UIMC1: variants seen among roughly 807,000 people sequenced by gnomAD.
The protein encoded by UIMC1 is ubiquitin interaction motif containing 1.
UIMC1 carries 42 observed loss-of-function variants against 84.9 expected under a neutral mutation model. The observed-to-expected ratio is 0.49, with a 90% CI of 0.39 to 0.64. The LOEUF (loss-of-function observed/expected upper bound fraction) is 0.64. UIMC1 is among the 30% of genes least tolerant of loss of function. UIMC1 has a pLI of 0.00. For synonymous variants in UIMC1, 281 were observed against 293.0 expected, an observed-to-expected ratio of 0.96 and a Z score of 0.42; for missense variants, 825 against 847.6, an observed-to-expected ratio of 0.97 and a Z score of 0.33.
At position 176,907,120 on chromosome 5, in the gene UIMC1, T is replaced by A. The variant is rs1368291974; in HGVS notation, c.1906A>T (p.Thr636Ser). The A allele has an allele frequency of 6.2e-7, 1 of 1,613,724 alleles. No individual in the cohort carries two copies. Among genetic ancestry groups the A allele is most frequent in the African/African-American group, 1.3e-5 (1 of 74,908 alleles). ...CTGGTCCTGGGGTCCTCACCTGAAG[T>A]CTTGTGCTCAGACTGTTCCAAGAAA... Reference protein sequence around the residue: ...LSFLEQSEHKTSDADIKSSET... With the variant: ...LSFLEQSEHKSSDADIKSSET... Residue 636 changes from threonine to serine, a missense_variant, in exon 13 of 15, where the codon ACT (threonine) becomes TCT (serine). By Grantham distance (58) the Thr-to-Ser change is moderately conservative (BLOSUM62 1). Coordinates refer to ENST00000511320, the MANE Select transcript of UIMC1 (RefSeq NM_001199298.2).
chr5:176,957,287 G>C (rs1386811896), intron 7 of UIMC1, among the ~76,000 whole-genome samples: 1 of 152,078 alleles, frequency 6.6e-6, no homozygotes, highest in Non-Finnish European at 1.5e-5. Flanking sequence ...TGGCAAGTGG[G>C]CTTCAACTCT....
In UIMC1 at chr5:176,968,979, G is replaced by C; in HGVS notation, c.776C>G (p.Pro259Arg). 6.2e-7 allele frequency: 1 copy of C among 1,614,188 alleles called. No homozygotes were observed. The highest frequency in any genetic ancestry group is 8.5e-7 in the Non-Finnish European group (1 of 1,180,032). Residue 259 changes from proline to arginine, a missense_variant, in exon 6 of 15, where the codon CCT becomes CGT. Transcript: ENST00000511320. The part of the protein sequence containing the change: ...GSGDTSRHCL[P>R]TLADAKGLQD... ...GAGACCTTTGGCATCTGCTAGGGTA[G>C]GTAGACAGTGCCTAGATGTGTCCCC...
Position 176,907,138 on chromosome 5 carries a change from C to A in UIMC1, c.1888G>T (p.Glu630Ter), listed in dbSNP as rs746427627. The change falls in exon 13 of 15, where the codon GAA becomes TAA. Residue 630 changes from glutamate (E) to a stop codon, truncating the protein, a stop_gained. Coordinates refer to ENST00000511320, the MANE Select transcript of UIMC1 (RefSeq NM_001199298.2). LOFTEE classifies it high-confidence loss of function. ...CCTGAAGTCTTGTGCTCAGACTGTTCCAAGAAACTAAGGAGTCGGCCTTCA... is the reference window on the plus strand; with the variant it reads ...CCTGAAGTCTTGTGCTCAGACTGTTACAAGAAACTAAGGAGTCGGCCTTCA... ...HSEGRLLSFL[E>*]QSEHKTSDAD... The A allele has an allele frequency of 1.9e-6, 3 of 1,613,718 alleles. No homozygotes were observed. The highest frequency in any genetic ancestry group is 2.5e-6 in the Non-Finnish European group (3 of 1,179,860).
intron 1 of UIMC1, among the ~76,000 whole-genome samples, chr5:177,004,062 G>A (rs1774924053): frequency 6.6e-6 from 1 of 152,144 alleles, no homozygotes; most frequent in Non-Finnish European, 1.5e-5. Context: ...GCTCCTGGGT[G>A]CAAGCAATTG....
upstream of UIMC1, among the ~76,000 whole-genome samples, chr5:177,007,302 C>T (rs1007313379): frequency 7.1e-6 from 1 of 140,014 alleles, no homozygotes; most frequent in African/African-American, 2.8e-5. Flanking sequence ...GTCACTGCCA[C>T]TGCACTCCAG....
At chr5:176,985,668 G>A (rs1261005346) in intron 1 of UIMC1, among the ~76,000 whole-genome samples, 1 of 152,050 alleles carries the variant, frequency 6.6e-6, no homozygotes, top group Non-Finnish European at 1.5e-5. Flanking sequence ...GCAGTGGCAT[G>A]ATCGTAGCTC....
At chr5:177,013,361 A>AACACACACACACACAC (rs6149367) in intron 1 of UIMC1, among the ~76,000 whole-genome samples, 26 of 137,822 alleles carry the variant, frequency 1.9e-4, no homozygotes, top group African/African-American at 5.4e-4. Flanking sequence ...ACTGCATCCA[A>AACACACACACACACAC]ACACACACAC....
At chr5:176,996,404 ACT>A (rs1332855113) in intron 1 of UIMC1, among the ~76,000 whole-genome samples, 1 of 152,172 alleles carries the variant, frequency 6.6e-6, no homozygotes, top group African/African-American at 2.4e-5. Flanking sequence ...CAAAATAGTC[ACT>A]GAGTGGTGTT....
At chr5:176,980,513 T>G (rs1311525148) in intron 2 of UIMC1, among the ~76,000 whole-genome samples, 1 of 152,172 alleles carries the variant, frequency 6.6e-6, no homozygotes, top group African/African-American at 2.4e-5. Context: ...AAGAAATTAC[T>G]GCCTTCAGAT....
Position 176,984,278 on chromosome 5 carries a change from G to A in UIMC1, c.-8-1655C>T, listed in dbSNP as rs574256623. ...CCGGCCGGCCCATCTGGGATGTGAG[G>A]AGCGCCTCTGCCGGCCGCCACCCCG... On this transcript the variant is annotated intron_variant, in intron 1 of 14. Transcript: ENST00000511320. Among the ~76,000 whole-genome samples the A allele has an allele frequency of 8.4e-4, 96 of 113,664 alleles. 1 individual carries two copies. The highest frequency in any genetic ancestry group is 2.5e-3 in the African/African-American group (82 of 33,360). 74.6% of individuals were successfully genotyped at this position (113,664 alleles called of 152,430 possible).
intron 1 of UIMC1, among the ~76,000 whole-genome samples, chr5:176,989,963 G>A (rs1467503686): frequency 6.6e-6 from 1 of 152,086 alleles, no homozygotes; most frequent in African/African-American, 2.4e-5. Context: ...GGCAGATCAT[G>A]AGGTCAGGAG....
Position 176,968,565 on chromosome 5 carries a change from C to G in UIMC1, c.1190G>C (p.Ser397Thr). Residue 397 changes from serine to threonine, a missense_variant, in exon 6 of 15, where the codon AGT becomes ACT. By Grantham distance (58) the Ser-to-Thr change is moderately conservative. Coordinates refer to ENST00000511320, the MANE Select transcript of UIMC1 (RefSeq NM_001199298.2). ...KLLLEEEPTT[S>T]HGQSSQGIVE... Reference sequence around the variant, plus strand: ...ATCACTGACCCTTACCTGACCATGACTGGTTGTTGGTTCTTCCTCCAACAA... The same window carrying G: ...ATCACTGACCCTTACCTGACCATGAGTGGTTGTTGGTTCTTCCTCCAACAA... The G allele has an allele frequency of 6.2e-7, 1 of 1,608,976 alleles. No homozygotes were observed. The highest frequency in any genetic ancestry group is 1.1e-5 in the South Asian group (1 of 90,262).
chr5:176,924,825 G>C (rs1399311416), intron 10 of UIMC1, among the ~76,000 whole-genome samples: 1 of 151,974 alleles, frequency 6.6e-6, no homozygotes, highest in African/African-American at 2.4e-5. Context: ...TGGATCACAA[G>C]GTCAGGAGAT....
chr5:177,001,051 G>C (rs1774370964), intron 1 of UIMC1, among the ~76,000 whole-genome samples: 1 of 152,064 alleles, frequency 6.6e-6, no homozygotes, highest in Non-Finnish European at 1.5e-5. Context: ...GTTGCCTGTG[G>C]TTATGGGATA....
At chr5:176,954,669 T>C (rs1256687413) in intron 8 of UIMC1, among the ~76,000 whole-genome samples, 1 of 151,482 alleles carries the variant, frequency 6.6e-6, no homozygotes, top group Non-Finnish European at 1.5e-5. Context: ...TGAGGATCAT[T>C]TGAGCCAAGG....
intron 13 of UIMC1, among the ~76,000 whole-genome samples, chr5:176,906,859 A>T (rs781209554): frequency 6.6e-6 from 1 of 152,242 alleles, no homozygotes; most frequent in Non-Finnish European, 1.5e-5. Flanking sequence ...GTGTTTTGAT[A>T]GTGTTTTTTC....
chr5:176,955,855 T>C, intron 8 of UIMC1, 104 bp downstream of exon 8: 2 of 1,079,894 alleles, frequency 1.9e-6, no homozygotes, highest in Non-Finnish European at 2.8e-6. Flanking sequence ...ATCAATTACA[T>C]ACAAACCTCC....
intron 10 of UIMC1, among the ~76,000 whole-genome samples, chr5:176,916,783 T>G (rs1761032160): frequency 6.6e-6 from 1 of 152,368 alleles, no homozygotes; most frequent in African/African-American, 2.4e-5. Flanking sequence ...ACAATTTGGG[T>G]TAGATCTTAG....
At chr5:176,986,064 C>G (rs989280883) in intron 1 of UIMC1, among the ~76,000 whole-genome samples, 1 of 151,470 alleles carries the variant, frequency 6.6e-6, no homozygotes, top group African/African-American at 2.4e-5. Flanking sequence ...CCATCCTATG[C>G]AACGTATTTT....
Sources: gnomAD v4.1 joint callset for allele counts (sites outside exome capture counted in the v4.1 genomes callset) on GRCh38, gnomAD v4.1.1 for gene constraint, MANE v1.5 for transcripts, NCBI Gene and HGNC (gene_info 2026-07-23, HGNC 2026-07-21) for gene names.